LSM4: variants seen among roughly 807,000 people sequenced by gnomAD.
LSM4 encodes the protein U6 snRNA-associated Sm-like protein LSm4.
Under a neutral mutation model 22.3 loss-of-function variants are expected in LSM4, and 15 were observed. The observed-to-expected ratio is 0.67, with a 90% CI of 0.45 to 1.03. LSM4 has a LOEUF of 1.03. Among genes scored for constraint, LSM4 ranks in the 50% least tolerant of loss-of-function variants. LSM4 has a pLI of 0.00. For missense variants in LSM4, 127 were observed against 198.0 expected, an observed-to-expected ratio of 0.64 and a Z score of 2.15; for synonymous variants, 90 against 79.8, an observed-to-expected ratio of 1.13 and a Z score of -0.68.
chr19:18,310,043 C>G, intron 3 of LSM4, 182 bp from the exon 4 acceptor site: 1 of 591,068 alleles, frequency 1.7e-6, no homozygotes, highest in Non-Finnish European at 2.9e-6. Flanking sequence ...TCTGTCCTGA[C>G]CCCAGGCAAT....
chr19:18,313,223 C>T (rs1970317956), intron 2 of LSM4, among the ~76,000 whole-genome samples: 1 of 152,050 alleles, frequency 6.6e-6, no homozygotes, highest in South Asian at 2.1e-4. Context: ...CCAGCCTGAG[C>T]AACAGAGTGC....
intron 4 of LSM4, 26 bp from the exon 5 acceptor site, chr19:18,307,581 A>G: frequency 6.8e-7 from 1 of 1,462,772 alleles, no homozygotes. Flanking sequence ...AGGGCGCTGC[A>G]GCAGAGCCAG....
At chr19:18,320,278 T>C (rs1970411782) in intron 1 of LSM4, among the ~76,000 whole-genome samples, 2 of 151,990 alleles carry the variant, frequency 1.3e-5, no homozygotes, top group Admixed American at 1.3e-4. Flanking sequence ...GAGACTGAGG[T>C]GGGAGGATCG....
chr19:18,307,984 G>C (rs1970251237), intron 4 of LSM4, among the ~76,000 whole-genome samples: 1 of 152,040 alleles, frequency 6.6e-6, no homozygotes, highest in Admixed American at 6.6e-5. Context: ...ACCACCCACA[G>C]CCCCTCATCT....
In LSM4 at chr19:18,309,880, G is replaced by A. The variant is rs529657373; in HGVS notation, c.145-19C>T. 1 of 1,610,292 alleles carries A rather than the reference G, an allele frequency of 6.2e-7. No homozygotes were observed. Among genetic ancestry groups the A allele is most frequent in the Non-Finnish European group, 8.5e-7 (1 of 1,178,662 alleles). On this transcript the variant is annotated intron_variant, in intron 3 of 4. Coordinates refer to ENST00000593829, the MANE Select transcript of LSM4 (RefSeq NM_012321.5). ...CCCCGTCCTGCGGAGAAGGGGAGCA[G>A]GTTATTAACTTACCACCGGGCCGTC...
At chr19:18,322,833 C>G (rs1970439413) in intron 1 of LSM4, among the ~76,000 whole-genome samples, 185 bp downstream of exon 1, 1 of 152,264 alleles carries the variant, frequency 6.6e-6, no homozygotes, top group South Asian at 2.1e-4. Context: ...ATCCCAGACA[C>G]GAACGTGATA....
intron 4 of LSM4, among the ~76,000 whole-genome samples, chr19:18,308,065 C>T (rs945565917): frequency 2.6e-5 from 4 of 152,186 alleles, no homozygotes; most frequent in African/African-American, 7.2e-5. Flanking sequence ...GGGGAGGGGA[C>T]TCCCCAGCAG....
At chr19:18,316,120 C>T (rs1339081317) in intron 1 of LSM4, 55 bp from the exon 2 acceptor site, 34 of 1,581,650 alleles carry the variant, frequency 2.1e-5, no homozygotes, top group Admixed American at 6.7e-5. Context: ...CCTGGGAGCT[C>T]TGGTCTTGAG....
intron 4 of LSM4, 76 bp downstream of exon 4, chr19:18,309,602 C>T: frequency 6.8e-7 from 1 of 1,468,076 alleles, no homozygotes. Flanking sequence ...GCTGCAAGGG[C>T]AACCCCAAGA....
In LSM4 at chr19:18,309,739, G is replaced by A; in HGVS notation, c.267C>T (p.Gly89=). Residue 89 remains glycine (G), a synonymous_variant, in exon 4 of 5, where the codon GGC becomes GGT. Coordinates refer to ENST00000593829, the MANE Select transcript of LSM4 (RefSeq NM_012321.5). ...VKEEVVAKGR[G]RGGLQQQKQQ... ...GCTTCTGCTGCTGCAGGCCTCCGCG[G>A]CCGCGGCCCTTGGCCACCACCTCCT... The A allele has an allele frequency of 1.2e-6, 2 of 1,613,378 alleles. No homozygotes were observed. The highest frequency in any genetic ancestry group is 2.2e-5 in the South Asian group (2 of 91,062).
At chr19:18,318,726 G>A (rs1419969568) in intron 1 of LSM4, among the ~76,000 whole-genome samples, 1 of 152,248 alleles carries the variant, frequency 6.6e-6, no homozygotes, top group Non-Finnish European at 1.5e-5. Flanking sequence ...AGGCGCCAGC[G>A]CCCACAGCAG....
intron 3 of LSM4, among the ~76,000 whole-genome samples, chr19:18,311,639 G>A (rs958229407): frequency 3.3e-5 from 5 of 152,100 alleles, no homozygotes; most frequent in South Asian, 2.1e-4. Flanking sequence ...GGCACCATCC[G>A]ACACAGCCAG....
Position 18,309,792 on chromosome 19 carries a change from G to A in LSM4, c.214C>T (p.Pro72Ser). 1 of 1,613,994 alleles carries A rather than the reference G, an allele frequency of 6.2e-7. No individual in the cohort carries two copies. Among genetic ancestry groups the A allele is most frequent in the Non-Finnish European group, 8.5e-7 (1 of 1,179,954 alleles). ...RGSTIKYLRI[P>S]DEIIDMVKEE... ...TTGACCATGTCGATGATCTCGTCGG[G>A]GATGCGCAGGTACTTGATGGTGCTG... Residue 72 changes from proline (P) to serine (S), a missense_variant, in exon 4 of 5, where the codon CCC becomes TCC. Physicochemically the swap from Pro to Ser is moderately conservative, Grantham distance 74. Coordinates refer to ENST00000593829, the MANE Select transcript of LSM4 (RefSeq NM_012321.5).
At chr19:18,316,236 G>C (rs1364762395) in intron 1 of LSM4, 171 bp from the exon 2 acceptor site, 4 of 552,248 alleles carry the variant, frequency 7.2e-6, no homozygotes, top group Non-Finnish European at 1.3e-5. Context: ...CCCAGCCCTG[G>C]AACACACACC....
At chr19:18,308,759 C>G (rs573906893) in intron 4 of LSM4, among the ~76,000 whole-genome samples, 16 of 152,348 alleles carry the variant, frequency 1.1e-4, no homozygotes, top group African/African-American at 3.4e-4. Flanking sequence ...CCACCAGGCC[C>G]TGTGGGGACA....
intron 1 of LSM4, 67 bp from the exon 2 acceptor site, chr19:18,316,132 C>A (rs770272158): frequency 7.0e-5 from 104 of 1,486,406 alleles, no homozygotes; most frequent in Non-Finnish European, 9.4e-5. Flanking sequence ...GGTCTTGAGT[C>A]CCACCCATGA....
At chr19:18,312,031 A>T (rs1970303915) in intron 3 of LSM4, 1 of 155,842 alleles carries the variant, frequency 6.4e-6, no homozygotes, top group African/African-American at 2.4e-5. Context: ...CCTCCTCCTC[A>T]GTGCTCTGTG....
intron 1 of LSM4, among the ~76,000 whole-genome samples, chr19:18,320,774 C>T (rs531312473): frequency 5.9e-5 from 9 of 151,814 alleles, no homozygotes; most frequent in African/African-American, 2.2e-4. Context: ...TCAGCCTGGG[C>T]GACAGAACAA....
At chr19:18,307,797 G>C (rs1841071222) in intron 4 of LSM4, among the ~76,000 whole-genome samples, 1 of 120,662 alleles carries the variant, frequency 8.3e-6, no homozygotes, top group African/African-American at 3.2e-5. Context: ...GGGGGGGGGG[G>C]ACTAGGCGAC....
Sources: gnomAD v4.1 joint callset for allele counts (sites outside exome capture counted in the v4.1 genomes callset) on GRCh38, gnomAD v4.1.1 for gene constraint, MANE v1.5 for transcripts, NCBI Gene and HGNC (gene_info 2026-07-23, HGNC 2026-07-21) for gene names.